The following ANKRD11 variants were observed in gnomAD, a reference collection of about 807,000 sequenced individuals.
ANKRD11 encodes ankyrin repeat domain 11.
Under a neutral mutation model 195.7 loss-of-function variants are expected in ANKRD11, and 17 were observed. That is an observed-to-expected ratio of 0.09 (90% CI 0.06 to 0.13). The LOEUF (loss-of-function observed/expected upper bound fraction) is 0.13. ANKRD11 is among the 10% of genes least tolerant of loss of function. The pLI is 1.00. For synonymous variants in ANKRD11, 1,953 were observed against 1,528.1 expected (o/e 1.28, Z -6.49); for missense variants, 3,735 against 3,566.1 (o/e 1.05, Z -1.21).
intron 4 of ANKRD11, among the ~76,000 whole-genome samples, chr16:89,304,537 T>C (rs1244532737): frequency 1.4e-5 from 2 of 138,070 alleles, no homozygotes; most frequent in African/African-American, 2.8e-5. Flanking sequence ...CACACATGGG[T>C]ACACACAAGC....
chr16:89,341,684 T>TCA (rs960193060), intron 2 of ANKRD11, among the ~76,000 whole-genome samples: 3 of 152,226 alleles, frequency 2.0e-5, no homozygotes, highest in African/African-American at 2.4e-5. Context: ...TTTAATCCCC[T>TCA]CACACACCTA....
chr16:89,301,472 G>C (rs1224402861), intron 4 of ANKRD11: 1 of 398,260 alleles, frequency 2.5e-6, no homozygotes, highest in African/African-American at 2.1e-5. Context: ...GGCAGGCAGA[G>C]CAGGGCAGGC....
chr16:89,281,163 G>A lies in ANKRD11; in HGVS notation c.5379C>T (p.Val1793=), dbSNP rs760034709. The A allele has an allele frequency of 4.3e-6, 7 of 1,614,024 alleles. No homozygotes were observed. Among genetic ancestry groups the A allele is most frequent in the African/African-American group, 2.7e-5 (2 of 74,928 alleles). ...LSTNLYRSVS[V]DIRRTPEEEF... ...CTTCCTCGGGGGTCCTCCTAATGTC[G>A]ACAGAGACCGAGCGGTAAAGGTTTG... The change falls in exon 9 of 13, where the codon GTC becomes GTT. Residue 1793 remains valine (V), a synonymous_variant. Coordinates refer to ENST00000301030, the MANE Select transcript of ANKRD11 (RefSeq NM_013275.6). The surrounding 1 kb of genome is among the most constrained non-coding windows in gnomAD (Gnocchi z 5.5).
chr16:89,349,787 T>C (rs556026400), intron 2 of ANKRD11, among the ~76,000 whole-genome samples: 1 of 151,212 alleles, frequency 6.6e-6, no homozygotes, highest in East Asian at 1.9e-4. Context: ...GAAGTTGGAC[T>C]TCATCAAACT....
rs770821636 is a variant in ANKRD11 at position 89,283,571 on chromosome 16, C to T, written c.2971G>A (p.Gly991Ser). 1.6e-5 allele frequency: 25 copies of T among 1,610,872 alleles called. No individual in the cohort carries two copies. The highest frequency in any genetic ancestry group is 1.8e-5 in the Non-Finnish European group (21 of 1,180,016). ...CESGFKDKSD[G>S]DFGKGLEPWE... Reference sequence around the variant, plus strand: ...GGCTCCAGGCCCTTCCCAAAGTCGCCGTCGGACTTGTCCTTGAAGCCACTC... The same window carrying T: ...GGCTCCAGGCCCTTCCCAAAGTCGCTGTCGGACTTGTCCTTGAAGCCACTC... Residue 991 changes from glycine (G) to serine (S), a missense_variant, in exon 9 of 13, where the codon GGC becomes AGC. By Grantham distance (56) the Gly-to-Ser change is moderately conservative (BLOSUM62 0). Coordinates refer to ENST00000301030, the MANE Select transcript of ANKRD11 (RefSeq NM_013275.6). This position sits in a 1 kb window ranked among gnomAD's most constrained non-coding sequence, Gnocchi z 4.3.
intron 2 of ANKRD11, among the ~76,000 whole-genome samples, chr16:89,385,484 G>A (rs992873263): frequency 5.3e-5 from 8 of 151,956 alleles, no homozygotes; most frequent in Non-Finnish European, 1.0e-4. Context: ...AGCCAGCACC[G>A]GGCAGAGGGA....
Position 89,296,066 on chromosome 16 carries a change from G to A in ANKRD11, c.227-4883C>T, listed in dbSNP as rs1050445745. Among the ~76,000 whole-genome samples, 9 of 127,102 alleles carry A rather than the reference G, an allele frequency of 7.1e-5. No individual in the cohort carries two copies. In the Admixed American group the frequency reaches 8.6e-4, roughly 12 times the overall value. The allele number at this position is 127,102 out of a possible 152,430, so 83.4% of individuals were successfully genotyped here. A position where few individuals can be genotyped will look rare whatever the true frequency, so the allele number is the denominator to read the frequency against. ...CACAGTGGCGCAATCTCAGCTCACC[G>A]CAGCCTCCACCTCCCAGGCTCAAGC... On this transcript the variant is annotated intron_variant, in intron 4 of 12. Coordinates refer to ENST00000301030, the MANE Select transcript of ANKRD11 (RefSeq NM_013275.6).
At chr16:89,330,906 A>G (rs1451523390) in intron 2 of ANKRD11, among the ~76,000 whole-genome samples, 1 of 152,198 alleles carries the variant, frequency 6.6e-6, no homozygotes, top group Non-Finnish European at 1.5e-5. Flanking sequence ...AGTTAGTGCC[A>G]TATGCCCTGA....
At chr16:89,358,461 G>T (rs772320896) in intron 2 of ANKRD11, among the ~76,000 whole-genome samples, 2 of 152,180 alleles carry the variant, frequency 1.3e-5, no homozygotes, top group Non-Finnish European at 2.9e-5. Flanking sequence ...TTGGTAACTG[G>T]ATTGTTTACA....
At position 89,280,429 on chromosome 16, in the gene ANKRD11, T is replaced by C. The variant is rs370006772; in HGVS notation, c.6113A>G (p.Lys2038Arg). The C allele has an allele frequency of 1.9e-6, 3 of 1,579,244 alleles. No individual in the cohort carries two copies. The South Asian group carries it at 3.4e-5, about 18-fold the overall frequency. Reference sequence around the variant, plus strand: ...GGCGGGGACGGCGTCCACTCCGTCCTTGACGTCCTCCAGCCCCGGCTCAGC... The same window carrying C: ...GGCGGGGACGGCGTCCACTCCGTCCCTGACGTCCTCCAGCCCCGGCTCAGC... ...PVAEPGLEDV[K>R]DGVDAVPAAI... Residue 2038 changes from lysine (K) to arginine (R), a missense_variant, in exon 9 of 13, where the codon AAG becomes AGG. Lys to Arg is a conservative substitution (Grantham distance 26). Transcript: ENST00000301030.
Position 89,279,920 on chromosome 16 carries a change from A to C in ANKRD11, c.6622T>G (p.Ser2208Ala), listed in dbSNP as rs778171762. 8 of 1,609,732 alleles carry C rather than the reference A, an allele frequency of 5.0e-6. No individual in the cohort carries two copies. Among genetic ancestry groups the C allele is most frequent in the South Asian group, 4.4e-5 (4 of 90,890 alleles). ...RLPAELEPEP[S>A]GEPKLDVALE... Reference sequence around the variant, plus strand: ...GCCACGTCCAGCTTTGGCTCCCCTGAGGGCTCAGGCTCGAGCTCTGCAGGG... The same window carrying C: ...GCCACGTCCAGCTTTGGCTCCCCTGCGGGCTCAGGCTCGAGCTCTGCAGGG... Residue 2208 changes from serine (S) to alanine (A), a missense_variant, in exon 9 of 13, where the codon TCA (serine) becomes GCA (alanine). Coordinates refer to ENST00000301030, the MANE Select transcript of ANKRD11 (RefSeq NM_013275.6). The surrounding 1 kb of genome is among the most constrained non-coding windows in gnomAD (Gnocchi z 5.6).
Position 89,283,462 on chromosome 16 carries a change from C to A in ANKRD11, c.3080G>T (p.Arg1027Ile). ...KERKEKTKPE[R>I]YKEKSSDKDK... Reference sequence around the variant, plus strand: ...CTTGTCACTGGATTTCTCTTTGTATCTTTCTGGTTTTGTCTTCTCCTTCCT... The same window carrying A: ...CTTGTCACTGGATTTCTCTTTGTATATTTCTGGTTTTGTCTTCTCCTTCCT... The change falls in exon 9 of 13, where the codon AGA (arginine) becomes ATA (isoleucine). Residue 1027 changes from arginine (R) to isoleucine (I), a missense_variant. By Grantham distance (97) the Arg-to-Ile change is moderately conservative. Coordinates refer to ENST00000301030, the MANE Select transcript of ANKRD11 (RefSeq NM_013275.6). This position sits in a 1 kb window ranked among gnomAD's most constrained non-coding sequence, Gnocchi z 4.3. The A allele has an allele frequency of 1.9e-6, 3 of 1,614,184 alleles. No individual in the cohort carries two copies. In the South Asian group the frequency reaches 3.3e-5, roughly 18 times the overall value.
chr16:89,388,409 C>T (rs1351879275), intron 2 of ANKRD11, among the ~76,000 whole-genome samples: 1 of 147,642 alleles, frequency 6.8e-6, no homozygotes, highest in Non-Finnish European at 1.5e-5. Flanking sequence ...GGATTATAAG[C>T]GTGAGCCACC....
In ANKRD11 at chr16:89,283,923, C is replaced by T. The variant is rs201359323; in HGVS notation, c.2619G>A (p.Val873=). 1.9e-6 allele frequency: 3 copies of T among 1,614,144 alleles called. No individual in the cohort carries two copies. The highest frequency in any genetic ancestry group is 2.7e-5 in the African/African-American group (2 of 75,028). The change falls in exon 9 of 13, where the codon GTG becomes GTA. Residue 873 remains valine, a synonymous_variant. Transcript: ENST00000301030. The surrounding 1 kb of genome is among the most constrained non-coding windows in gnomAD (Gnocchi z 4.3). The part of the protein sequence containing the change: ...TDYRDMKSDS[V]AKLILETVKE... ...TCACCGTCTCCAAGATGAGCTTGGC[C>T]ACAGAGTCGCTCTTCATGTCCCTGT...
Position 89,284,549 on chromosome 16 carries a change from T to C in ANKRD11, c.1993A>G (p.Lys665Glu). The change falls in exon 9 of 13, where the codon AAG becomes GAG. Residue 665 changes from lysine (K) to glutamate (E), a missense_variant. Transcript: ENST00000301030. ...KSFTYEYEDS[K>E]QKSDKAILLE... ...AGTATAGCCTTATCTGACTTCTGCT[T>C]GGAGTCCTCATATTCGTAAGTAAAA... 6.2e-7 allele frequency: 1 copy of C among 1,614,204 alleles called. No individual in the cohort carries two copies. Among genetic ancestry groups the C allele is most frequent in the Non-Finnish European group, 8.5e-7 (1 of 1,180,044 alleles).
intron 1 of ANKRD11, among the ~76,000 whole-genome samples, chr16:89,471,834 TCAACTCACATA>T (rs900730433): frequency 2.5e-5 from 3 of 121,934 alleles, no homozygotes; most frequent in African/African-American, 9.4e-5. Flanking sequence ...ACCACCCAAA[TCAACTCACATA>T]CAACTCACAG....
At chr16:89,305,379 C>T (rs2036125903) in intron 3 of ANKRD11, 35 bp from the exon 4 acceptor site, 3 of 1,613,432 alleles carry the variant, frequency 1.9e-6, no homozygotes, top group Non-Finnish European at 2.5e-6. Flanking sequence ...GTCGTGATGT[C>T]CAAATTACAT....
chr16:89,392,096 A>C (rs547995814), intron 2 of ANKRD11, among the ~76,000 whole-genome samples: 182 of 152,310 alleles, frequency 1.2e-3, no homozygotes, highest in African/African-American at 4.3e-3. Flanking sequence ...CAAATACAGA[A>C]TGTGAGGTCC....
intron 1 of ANKRD11, among the ~76,000 whole-genome samples, chr16:89,462,410 G>A (rs539516809): frequency 3.3e-5 from 5 of 152,318 alleles, no homozygotes; most frequent in Admixed American, 1.3e-4. Flanking sequence ...GCATGATCTC[G>A]GCTCGCTACA....
Sources: gnomAD v4.1 joint callset for allele counts (sites outside exome capture counted in the v4.1 genomes callset) on GRCh38, gnomAD v4.1.1 for gene constraint, Gnocchi (gnomAD v3.1) non-coding constraint, MANE v1.5 for transcripts, NCBI Gene and HGNC (gene_info 2026-07-23, HGNC 2026-07-21) for gene names.